USB1: variants seen among roughly 807,000 people sequenced by gnomAD.
USB1 encodes the protein U6 snRNA phosphodiesterase 1.
Under a neutral mutation model 29.9 loss-of-function variants are expected in USB1, and 21 were observed. That is an observed-to-expected ratio of 0.70 (90% confidence interval 0.50 to 1.01). The LOEUF (loss-of-function observed/expected upper bound fraction) is 1.01. Ranked by LOEUF, USB1 falls within the 50% of genes least tolerant of loss-of-function variation. The probability of loss-of-function intolerance (pLI) is 0.00; values close to 1 mark genes in which losing one functional copy is unlikely to be tolerated. For synonymous variants in USB1, 143 were observed against 134.9 expected (o/e 1.06, Z -0.42); for missense variants, 330 against 347.1 (o/e 0.95, Z 0.39).
At chr16:58,015,017 G>C (rs924194367) in intron 4 of USB1, 1 of 152,626 alleles carries the variant, frequency 6.6e-6, no homozygotes, top group African/African-American at 2.4e-5. Flanking sequence ...GGAGGAGGTT[G>C]CAGTGAGCCA....
At chr16:58,018,031 G>C (rs1362216633) in intron 5 of USB1, among the ~76,000 whole-genome samples, 1 of 152,096 alleles carries the variant, frequency 6.6e-6, no homozygotes, top group East Asian at 1.9e-4. Flanking sequence ...CAGAATAGAG[G>C]GTGGATTTTC....
At chr16:58,012,828 C>A in intron 3 of USB1, 1 of 993,952 alleles carries the variant, frequency 1.0e-6, no homozygotes, top group South Asian at 4.6e-5. Flanking sequence ...AAGCCACGGC[C>A]TGGGCTCCCC....
At chr16:58,005,551 A>G (rs1963330516) in intron 2 of USB1, among the ~76,000 whole-genome samples, 1 of 152,166 alleles carries the variant, frequency 6.6e-6, no homozygotes, top group African/African-American at 2.4e-5. Context: ...CTAGGTTATG[A>G]TTATAGAGCG....
chr16:58,017,676 C>T (rs560821962), intron 5 of USB1, among the ~76,000 whole-genome samples: 4 of 152,280 alleles, frequency 2.6e-5, no homozygotes, highest in East Asian at 1.9e-4. Flanking sequence ...ATCCTAAATA[C>T]GCCCGAGATT....
At chr16:58,017,757 G>A (rs565031336) in intron 5 of USB1, among the ~76,000 whole-genome samples, 52 of 152,186 alleles carry the variant, frequency 3.4e-4, no homozygotes, top group African/African-American at 1.2e-3. Context: ...AATAATTTTT[G>A]GTCAGATTGA....
intron 3 of USB1, chr16:58,011,082 A>G (rs866210782): frequency 2.1e-6 from 2 of 940,428 alleles, no homozygotes; most frequent in African/African-American, 3.2e-5. Context: ...GGAAATTCCA[A>G]AGGATTTAGG....
At chr16:58,008,392 G>GT (rs1256839200) in intron 2 of USB1, among the ~76,000 whole-genome samples, 1 of 148,380 alleles carries the variant, frequency 6.7e-6, no homozygotes, top group East Asian at 2.0e-4. Flanking sequence ...TAAATTTGCT[G>GT]TTGTTTTTCT....
intron 1 of USB1, 22 bp from the exon 2 acceptor site, chr16:58,002,457 T>G (rs1963241848): frequency 3.7e-6 from 6 of 1,613,064 alleles, no homozygotes; most frequent in African/African-American, 1.3e-5. Flanking sequence ...AATGTACTCA[T>G]TTTTCTTTTT....
chr16:58,014,334 C>T lies in USB1; in HGVS notation c.503+8C>T. 1.2e-6 allele frequency: 2 copies of T among 1,611,138 alleles called. No individual in the cohort carries two copies. The highest frequency in any genetic ancestry group is 1.7e-6 in the Non-Finnish European group (2 of 1,177,320). ...CAATCAAGAGAAAACCAGGTGGGTCCTCCCAACCCCCAATCACCATCAGAG... is the reference window on the plus strand; with the variant it reads ...CAATCAAGAGAAAACCAGGTGGGTCTTCCCAACCCCCAATCACCATCAGAG... On this transcript the variant is annotated splice_region_variant and intron_variant, in intron 4 of 6. Coordinates refer to ENST00000219281, the MANE Select transcript of USB1 (RefSeq NM_024598.4).
chr16:58,001,449 G>C lies in USB1; in HGVS notation c.-35G>C. On this transcript the variant is annotated 5_prime_UTR_variant, in exon 1 of 7. Coordinates refer to ENST00000219281, the MANE Select transcript of USB1 (RefSeq NM_024598.4). Reference sequence around the variant, plus strand: ...ACTCCGGGTGCCGGTTGAGGTTGCTGGTGGACCTGCTCTGGTGGTCTTGGA... The same window carrying C: ...ACTCCGGGTGCCGGTTGAGGTTGCTCGTGGACCTGCTCTGGTGGTCTTGGA... 6.4e-7 allele frequency: 1 copy of C among 1,572,756 alleles called. No individual in the cohort carries two copies. Among genetic ancestry groups the C allele is most frequent in the Non-Finnish European group, 8.6e-7 (1 of 1,160,062 alleles).
chr16:58,015,442 C>A (rs1256910837), intron 4 of USB1: 1 of 152,196 alleles, frequency 6.6e-6, no homozygotes, highest in Non-Finnish European at 1.5e-5. Flanking sequence ...ACTCACTGGG[C>A]CACCTTCTCT....
intron 1 of USB1, 81 bp downstream of exon 1, chr16:58,001,662 T>A (rs546677416): frequency 6.8e-7 from 1 of 1,470,282 alleles, no homozygotes; most frequent in South Asian, 1.2e-5. Context: ...GGGGGTGGAG[T>A]GGGGAGGGAG....
upstream of USB1, chr16:57,999,612 C>G (rs1400130915): frequency 6.6e-6 from 1 of 152,288 alleles, no homozygotes; most frequent in Non-Finnish European, 1.5e-5. Flanking sequence ...TAAGTTTTCT[C>G]CTGAGCAGAG....
chr16:57,999,996 C>T (rs1476945024), upstream of USB1: 1 of 152,676 alleles, frequency 6.5e-6, no homozygotes, highest in Admixed American at 6.5e-5. Flanking sequence ...GATCACTCCG[C>T]AAAGGGGAGA....
intron 3 of USB1, chr16:58,011,224 T>C (rs990261432): frequency 6.7e-6 from 10 of 1,487,764 alleles, no homozygotes; most frequent in Admixed American, 4.4e-5. Flanking sequence ...GACCAACACA[T>C]ATGTTATCAT....
At chr16:58,010,291 C>T (rs1249442683) in intron 3 of USB1, 179 bp downstream of exon 3, 1 of 698,214 alleles carries the variant, frequency 1.4e-6, no homozygotes, top group Non-Finnish European at 2.4e-6. Flanking sequence ...GCCGTGGAAG[C>T]TCTTGACACC....
chr16:58,020,147 G>T lies in USB1; in HGVS notation c.700G>T (p.Val234Leu). 1.9e-6 allele frequency: 3 copies of T among 1,614,134 alleles called. No homozygotes were observed. Among genetic ancestry groups the T allele is most frequent in the South Asian group, 2.2e-5 (2 of 91,084 alleles). The change falls in exon 7 of 7, where the codon GTG becomes TTG. Residue 234 changes from valine to leucine, a missense_variant. Val to Leu is a conservative substitution (Grantham distance 32). Coordinates refer to ENST00000219281, the MANE Select transcript of USB1 (RefSeq NM_024598.4). ...GQCLQELQAI[V>L]DGFEDAEVLL... is the part of the protein sequence containing the mutation. ...CCCTGGCTGCTGTTTTAAGGCAATC[G>T]TGGATGGGTTTGAAGATGCTGAGGT...
In USB1 at chr16:58,002,480, G is replaced by A. The variant is rs769630452; in HGVS notation, c.100G>A (p.Gly34Ser). ...TRPGDGSHRR[G>S]QSPLPRQRFP... ...CATTTTTCTTTTTTTCTTTTGCAGT[G>A]GCCAGAGCCCCCTTCCCAGGCAGAG... Residue 34 changes from glycine (G) to serine (S), a missense_variant and splice_region_variant, in exon 2 of 7, where the codon GGC becomes AGC. Coordinates refer to ENST00000219281, the MANE Select transcript of USB1 (RefSeq NM_024598.4). 27 of 1,613,882 alleles carry A rather than the reference G, an allele frequency of 1.7e-5. No individual in the cohort carries two copies. In the East Asian group the frequency reaches 6.0e-4, roughly 36 times the overall value.
chr16:58,001,245 C>G, upstream of USB1: 1 of 610,254 alleles, frequency 1.6e-6, no homozygotes, highest in Non-Finnish European at 2.9e-6. Context: ...CTGGGGAGGT[C>G]CCAGCGGGGT....
Sources: gnomAD v4.1 joint callset for allele counts (sites outside exome capture counted in the v4.1 genomes callset) on GRCh38, gnomAD v4.1.1 for gene constraint, MANE v1.5 for transcripts, NCBI Gene and HGNC (gene_info 2026-07-23, HGNC 2026-07-21) for gene names.